Variants in MAGI2 observed in about 807,000 individuals in gnomAD.
The protein encoded by MAGI2 is membrane associated guanylate kinase, WW and PDZ domain containing 2.
MAGI2 carries 35 observed loss-of-function variants against 133.3 expected under a neutral mutation model. The observed-to-expected ratio is 0.26, with a 90% CI of 0.20 to 0.35. MAGI2 has a LOEUF of 0.35. Among genes scored for constraint, MAGI2 ranks in the 10% least tolerant of loss-of-function variants. The probability of loss-of-function intolerance (pLI) is 1.00; values close to 1 mark genes in which losing one functional copy is unlikely to be tolerated. For synonymous variants in MAGI2, 729 were observed against 710.6 expected (o/e 1.03, Z -0.41); for missense variants, 1,636 against 1,863.4 (o/e 0.88, Z 2.25).
At chr7:78,182,108 T>C (rs1490301027) in intron 13 of MAGI2, among the ~76,000 whole-genome samples, 2 of 152,208 alleles carry the variant, frequency 1.3e-5, no homozygotes, top group African/African-American at 4.8e-5. Context: ...CCATGGCTTA[T>C]CATCACAGTT....
At chr7:78,573,094 C>CAT (rs59911910) in intron 3 of MAGI2, among the ~76,000 whole-genome samples, 3 of 96,400 alleles carry the variant, frequency 3.1e-5, no homozygotes, top group African/African-American at 1.2e-4. Flanking sequence ...CACACACACA[C>CAT]GGAGAGATAT....
chr7:78,609,584 C>T (rs530440609), intron 3 of MAGI2, among the ~76,000 whole-genome samples: 85 of 152,264 alleles, frequency 5.6e-4, no homozygotes, highest in African/African-American at 1.9e-3. Context: ...CGGTTACAGT[C>T]CTTGGTTCTG....
intron 2 of MAGI2, among the ~76,000 whole-genome samples, chr7:78,891,032 A>C (rs897022970): frequency 6.6e-6 from 1 of 152,204 alleles, no homozygotes; most frequent in African/African-American, 2.4e-5. Flanking sequence ...GCAATAAAAA[A>C]TGATAAAGGG....
At chr7:78,711,565 T>C (rs1819192327) in intron 2 of MAGI2, among the ~76,000 whole-genome samples, 1 of 151,414 alleles carries the variant, frequency 6.6e-6, no homozygotes, top group Non-Finnish European at 1.5e-5. Flanking sequence ...CCATTGGAAA[T>C]GTTATGTTCA....
intron 10 of MAGI2, among the ~76,000 whole-genome samples, chr7:78,215,605 A>G (rs967146878): frequency 1.3e-5 from 2 of 152,200 alleles, no homozygotes; most frequent in African/African-American, 4.8e-5. Context: ...AAACGAGTCC[A>G]TTCTTTTGCC....
At chr7:78,879,925 A>G (rs886650031) in intron 2 of MAGI2, among the ~76,000 whole-genome samples, 1 of 152,034 alleles carries the variant, frequency 6.6e-6, no homozygotes, top group Admixed American at 6.6e-5. Context: ...GAATTTTAAA[A>G]TACATTTGAA....
intron 6 of MAGI2, among the ~76,000 whole-genome samples, chr7:78,420,200 A>G (rs925891239): frequency 3.9e-5 from 6 of 152,188 alleles, no homozygotes; most frequent in African/African-American, 7.2e-5. Flanking sequence ...AACTAGAATC[A>G]CTAAATCTAA....
At chr7:78,866,039 C>T (rs1270334518) in intron 2 of MAGI2, among the ~76,000 whole-genome samples, 3 of 152,112 alleles carry the variant, frequency 2.0e-5, no homozygotes, top group Non-Finnish European at 1.5e-5. Flanking sequence ...AGTGCTGCTG[C>T]TTACAAGTTA....
intron 1 of MAGI2, among the ~76,000 whole-genome samples, chr7:79,324,663 A>G (rs188454531): frequency 4.4e-4 from 5 of 11,344 alleles, no homozygotes; most frequent in Admixed American, 1.5e-3. Context: ...TATTATATAT[A>G]TATAAAATAT....
At chr7:78,604,323 G>A (rs1301470939) in intron 3 of MAGI2, among the ~76,000 whole-genome samples, 1 of 152,128 alleles carries the variant, frequency 6.6e-6, no homozygotes, top group African/African-American at 2.4e-5. Context: ...TGGGCAAGGA[G>A]GGCATTTGAA....
At chr7:78,124,268 G>A (rs1296582145) in intron 20 of MAGI2, among the ~76,000 whole-genome samples, 1 of 152,236 alleles carries the variant, frequency 6.6e-6, no homozygotes, top group East Asian at 1.9e-4. Context: ...AAGCTGTAGA[G>A]CCAGGAAACC....
chr7:78,762,808 A>G (rs1418903403), intron 2 of MAGI2, among the ~76,000 whole-genome samples: 1 of 152,246 alleles, frequency 6.6e-6, no homozygotes, highest in Non-Finnish European at 1.5e-5. Context: ...GTGACCTTCA[A>G]AGATACAGAA....
intron 3 of MAGI2, among the ~76,000 whole-genome samples, chr7:78,539,255 C>T (rs749454233): frequency 2.7e-4 from 41 of 150,774 alleles, no homozygotes; most frequent in Non-Finnish European, 4.9e-4. Context: ...GACTTTTGTG[C>T]ATCTATTGAG....
chr7:79,292,850 T>C (rs1585455428), intron 1 of MAGI2, among the ~76,000 whole-genome samples: 1 of 138,424 alleles, frequency 7.2e-6, no homozygotes, highest in Admixed American at 7.7e-5. Context: ...AGTCTGAGAA[T>C]CAATTTAGGG....
intron 2 of MAGI2, among the ~76,000 whole-genome samples, chr7:78,976,833 T>TA (rs1177389622): frequency 2.6e-5 from 4 of 151,512 alleles, no homozygotes; most frequent in African/African-American, 7.2e-5. Flanking sequence ...AATTTGAAAT[T>TA]AAAAAAATAC....
At chr7:78,257,935 A>T (rs1310772370) in intron 9 of MAGI2, among the ~76,000 whole-genome samples, 1 of 152,244 alleles carries the variant, frequency 6.6e-6, no homozygotes, top group Non-Finnish European at 1.5e-5. Context: ...GTTAAAAATG[A>T]AAAACAGAGT....
chr7:78,194,544 A>T (rs370084186), intron 12 of MAGI2, among the ~76,000 whole-genome samples: 8 of 151,408 alleles, frequency 5.3e-5, no homozygotes, highest in Non-Finnish European at 1.0e-4. Context: ...TAAACAGATT[A>T]AAAAAAAAGC....
intron 1 of MAGI2, among the ~76,000 whole-genome samples, chr7:79,217,916 TG>T (rs1407944163): frequency 4.6e-5 from 7 of 151,980 alleles, no homozygotes; most frequent in Non-Finnish European, 8.8e-5. Context: ...AATTTTCTTC[TG>T]TGAAAATGAC....
intron 2 of MAGI2, among the ~76,000 whole-genome samples, chr7:78,721,297 T>C (rs1460168451): frequency 1.3e-5 from 2 of 152,016 alleles, no homozygotes; most frequent in African/African-American, 2.4e-5. Flanking sequence ...CCAGAATGTA[T>C]ATGCCCAGAA....
Sources: allele counts gnomAD v4.1 joint callset (sites outside exome capture counted in the v4.1 genomes callset), GRCh38; gene constraint gnomAD v4.1.1; transcripts MANE v1.5; gene names NCBI Gene and HGNC (gene_info 2026-07-23, HGNC 2026-07-21).